The following ARHGAP35 variants were observed in gnomAD, a reference collection of about 807,000 sequenced individuals.
The protein encoded by ARHGAP35 is rho GTPase-activating protein 35.
In ARHGAP35, 15 loss-of-function variants were observed where a neutral mutation model predicts 111.1. That is an observed-to-expected ratio of 0.13 (90% CI 0.09 to 0.21). ARHGAP35 has a LOEUF of 0.21. Among genes scored for constraint, ARHGAP35 ranks in the 10% least tolerant of loss-of-function variants. The pLI is 1.00. For missense variants in ARHGAP35, 1,262 were observed against 1,873.0 expected (o/e 0.67, Z 6.02); for synonymous variants, 643 against 710.3 (o/e 0.91, Z 1.51).
intron 1 of ARHGAP35, among the ~76,000 whole-genome samples, chr19:46,916,128 G>A: frequency 6.6e-6 from 1 of 151,948 alleles, no homozygotes; most frequent in East Asian, 1.9e-4. Context: ...TGGAGACGGG[G>A]TTTCACCATG....
chr19:46,990,634 C>A (rs1354457917), intron 5 of ARHGAP35, among the ~76,000 whole-genome samples: 1 of 152,210 alleles, frequency 6.6e-6, no homozygotes, highest in Admixed American at 6.5e-5. Context: ...AGACATTAGT[C>A]TCATCTTGTC....
rs763441655 is a variant in ARHGAP35, at chr19:46,945,807, C to G, written c.3826+8399C>G. On this transcript the variant is annotated intron_variant, in intron 3 of 6. Coordinates refer to ENST00000672722, the MANE Select transcript of ARHGAP35 (RefSeq NM_004491.5). The surrounding 1 kb of genome is among the most constrained non-coding windows in gnomAD (Gnocchi z 4.1). ...AATATGTGAGGCCAGACTTCGTTCC[C>G]TGTTTCTGTGATTTTTAACCTCTGC... Among the ~76,000 whole-genome samples the G allele has an allele frequency of 5.3e-5, 8 of 152,188 alleles. No homozygotes were observed. The highest frequency in any genetic ancestry group is 8.8e-5 in the Non-Finnish European group (6 of 68,048).
chr19:46,957,003 A>G (rs1037778083), intron 3 of ARHGAP35, among the ~76,000 whole-genome samples: 40 of 118,220 alleles, frequency 3.4e-4, no homozygotes, highest in African/African-American at 1.3e-3. Context: ...TCTGTCGCCC[A>G]GGGTGGAGCA....
rs2056208110 is a variant in ARHGAP35, at chr19:46,922,350, C to T, written c.3675C>T (p.Asn1225=). The T allele has an allele frequency of 6.3e-7, 1 of 1,592,594 alleles. No homozygotes were observed. Among genetic ancestry groups the T allele is most frequent in the Non-Finnish European group, 8.6e-7 (1 of 1,169,546 alleles). ...RRNILRSLRR[N]TKKPKPKPRP... ...ATATTCTTCGCAGCCTAAGGAGGAA[C>T]ACTAAGGTAAGACACCAGTCTAGGA... is the stretch of plus-strand genomic sequence containing the variant. Residue 1225 remains asparagine (N), a synonymous_variant, in exon 2 of 7, where the codon AAC becomes AAT. Coordinates refer to ENST00000672722, the MANE Select transcript of ARHGAP35 (RefSeq NM_004491.5). The surrounding 1 kb of genome is among the most constrained non-coding windows in gnomAD (Gnocchi z 4.0).
intron 2 of ARHGAP35, among the ~76,000 whole-genome samples, chr19:46,930,222 G>A (rs1195829569): frequency 2.0e-5 from 3 of 151,810 alleles, no homozygotes; most frequent in Admixed American, 1.3e-4. Flanking sequence ...ATCTGGGCGC[G>A]GTGGCACACA....
chr19:46,871,878 G>A (rs1434740981), intron 1 of ARHGAP35, among the ~76,000 whole-genome samples: 3 of 151,916 alleles, frequency 2.0e-5, no homozygotes, highest in Admixed American at 6.6e-5. Context: ...TACTCGGGAG[G>A]CTGAGGCAGG....
chr19:46,871,753 C>T (rs1282872877), intron 1 of ARHGAP35, among the ~76,000 whole-genome samples: 15 of 151,654 alleles, frequency 9.9e-5, no homozygotes, highest in Non-Finnish European at 5.9e-5. Context: ...CCTAGGCAGG[C>T]GGATCACTTG....
intron 1 of ARHGAP35, among the ~76,000 whole-genome samples, chr19:46,886,406 C>A (rs541651397): frequency 1.3e-5 from 2 of 149,788 alleles, no homozygotes; most frequent in South Asian, 4.2e-4. Flanking sequence ...TTTTTCTTTT[C>A]TTTTTTTCCT....
rs72465629 is a variant in ARHGAP35 at position 46,888,333 on chromosome 19, TACACACACACACAC to T, written c.-189+27143_-189+27156del. ...ATATATATATAAAATATTGATTTTA[TACACACACACACAC>T]ACACACACACACACACACCCCACAA... On this transcript the variant is annotated intron_variant, in intron 1 of 6. Transcript: ENST00000672722. Among the ~76,000 whole-genome samples, 37 of 67,426 alleles carry T rather than the reference TACACACACACACAC, an allele frequency of 5.5e-4. 1 individual carries two copies. Among genetic ancestry groups the T allele is most frequent in the African/African-American group, 2.1e-3 (36 of 17,170 alleles). 44.2% of individuals were successfully genotyped at this position (67,426 alleles called of 152,430 possible).
At chr19:46,963,894 A>C (rs2056498650) in intron 3 of ARHGAP35, among the ~76,000 whole-genome samples, 1 of 151,974 alleles carries the variant, frequency 6.6e-6, no homozygotes, top group Non-Finnish European at 1.5e-5. Flanking sequence ...TTGAGATGGA[A>C]TCTTGCTCTG....
intron 3 of ARHGAP35, among the ~76,000 whole-genome samples, chr19:46,975,864 T>C (rs1168866695): frequency 1.3e-5 from 2 of 152,212 alleles, no homozygotes; most frequent in Admixed American, 1.3e-4. Context: ...GGACGAGAGC[T>C]GTTAAATTCA....
chr19:46,929,313 A>G (rs2056257574), intron 2 of ARHGAP35, among the ~76,000 whole-genome samples: 1 of 152,194 alleles, frequency 6.6e-6, no homozygotes, highest in Non-Finnish European at 1.5e-5. Flanking sequence ...ACTCTTTTGG[A>G]AATAGAAGAG....
intron 3 of ARHGAP35, among the ~76,000 whole-genome samples, chr19:46,974,422 C>T (rs1274294887): frequency 6.6e-6 from 1 of 152,140 alleles, no homozygotes; most frequent in Non-Finnish European, 1.5e-5. Flanking sequence ...CCATAATTTG[C>T]TAAGATGACT....
Position 46,919,892 on chromosome 19 carries a change from T to C in ARHGAP35, c.1217T>C (p.Leu406Ser). 6.2e-7 allele frequency: 1 copy of C among 1,614,022 alleles called. No homozygotes were observed. Among genetic ancestry groups the C allele is most frequent in the Non-Finnish European group, 8.5e-7 (1 of 1,179,882 alleles). ...NMENERIPFD[L>S]MDTVPAEQLY... Reference sequence around the variant, plus strand: ...GAAAACGAACGGATTCCCTTTGATTTAATGGATACCGTCCCTGCAGAGCAG... The same window carrying C: ...GAAAACGAACGGATTCCCTTTGATTCAATGGATACCGTCCCTGCAGAGCAG... Residue 406 changes from leucine (L) to serine (S), a missense_variant, in exon 2 of 7, where the codon TTA (leucine) becomes TCA (serine). By Grantham distance (145) the Leu-to-Ser change is moderately radical. Around this residue, in one of 8 missense-constraint regions of ARHGAP35, gnomAD observed 328 missense variants for 440.8 expected, o/e 0.74. Coordinates refer to ENST00000672722, the MANE Select transcript of ARHGAP35 (RefSeq NM_004491.5). This position sits in a 1 kb window ranked among gnomAD's most constrained non-coding sequence, Gnocchi z 6.2.
At chr19:46,935,845 C>T (rs987724809) in intron 2 of ARHGAP35, among the ~76,000 whole-genome samples, 1 of 152,098 alleles carries the variant, frequency 6.6e-6, no homozygotes, top group Non-Finnish European at 1.5e-5. Flanking sequence ...GTAATTTTTT[C>T]TCCATTTAAG....
chr19:46,871,873 G>A (rs1352043772), intron 1 of ARHGAP35, among the ~76,000 whole-genome samples: 1 of 151,766 alleles, frequency 6.6e-6, no homozygotes, highest in Non-Finnish European at 1.5e-5. Context: ...CCAGCTACTC[G>A]GGAGGCTGAG....
chr19:46,874,041 C>T (rs2055902635), intron 1 of ARHGAP35, among the ~76,000 whole-genome samples: 1 of 152,226 alleles, frequency 6.6e-6, no homozygotes, highest in South Asian at 2.1e-4. Flanking sequence ...GCCACCTCGC[C>T]TGGCTAAGCT....
chr19:46,951,363 G>A (rs924834242), intron 3 of ARHGAP35, among the ~76,000 whole-genome samples: 2 of 152,166 alleles, frequency 1.3e-5, no homozygotes, highest in African/African-American at 4.8e-5. Context: ...ACTGTGGGAC[G>A]TGCCCAGAGA....
intron 2 of ARHGAP35, among the ~76,000 whole-genome samples, chr19:46,929,769 C>T (rs1364838836): frequency 2.0e-5 from 3 of 151,128 alleles, no homozygotes; most frequent in Non-Finnish European, 4.4e-5. Flanking sequence ...CAAAATTAGC[C>T]GGGCTTGGTG....
Sources: allele counts gnomAD v4.1 joint callset (sites outside exome capture counted in the v4.1 genomes callset), GRCh38; gene constraint gnomAD v4.1.1; regional missense constraint gnomAD v4.1.1; non-coding constraint Gnocchi (gnomAD v3.1); transcripts MANE v1.5; gene names NCBI Gene and HGNC (gene_info 2026-07-23, HGNC 2026-07-21).